BPIFB2: variants seen among roughly 807,000 people sequenced by gnomAD.
BPIFB2 encodes the protein BPI fold-containing family B member 2.
A neutral mutation model predicts 50.1 loss-of-function variants in BPIFB2; 39 were observed. That is an observed-to-expected ratio of 0.78 (90% confidence interval 0.60 to 1.02). The LOEUF is 1.02. Ranked by LOEUF, BPIFB2 falls within the 50% of genes least tolerant of loss-of-function variation. The pLI, the probability that BPIFB2 is intolerant of heterozygous loss-of-function variation, is 0.00. For missense variants in BPIFB2, 574 were observed against 585.8 expected (o/e 0.98, Z 0.21); for synonymous variants, 280 against 256.3 (o/e 1.09, Z -0.88).
At chr20:33,008,429 G>T (rs961500339) in intron 1 of BPIFB2, 112 bp from the exon 2 acceptor site, 2 of 584,212 alleles carry the variant, frequency 3.4e-6, no homozygotes, top group South Asian at 2.2e-5. Context: ...TGGGCCTGGG[G>T]CAGGGCTGGG....
rs1978524025 is a variant in BPIFB2 at position 33,018,632 on chromosome 20, T to C, written c.670-5T>C. The C allele has an allele frequency of 1.2e-6, 2 of 1,607,762 alleles. No homozygotes were observed. Among genetic ancestry groups the C allele is most frequent in the South Asian group, 2.2e-5 (2 of 89,480 alleles). ...TTCTCCCACTTCCCCCTCCCACCCC[T>C]ACAGGCTGTTCTCTTCCTGCTGGGC... On this transcript the variant is annotated splice_region_variant and splice_polypyrimidine_tract_variant and intron_variant, in intron 8 of 15. Coordinates refer to ENST00000170150, the MANE Select transcript of BPIFB2 (RefSeq NM_025227.3).
At position 33,008,578 on chromosome 20, in the gene BPIFB2, G is replaced by T; in HGVS notation, c.4G>T (p.Ala2Ser). 2 of 1,594,170 alleles carry T rather than the reference G, an allele frequency of 1.3e-6. No individual in the cohort carries two copies. The highest frequency in any genetic ancestry group is 2.3e-5 in the South Asian group (2 of 87,624). Residue 2 changes from alanine (A) to serine (S), a missense_variant, in exon 2 of 16, where the codon GCT becomes TCT. By Grantham distance (99) the Ala-to-Ser change is moderately conservative (BLOSUM62 1). Transcript: ENST00000170150. M[A>S]WASRLGLLLA... ...GTGGGCAGCGGCCAGGGCAGCCATG[G>T]CTTGGGCAAGTAGGCTGGGCCTGCT... is the stretch of plus-strand genomic sequence containing the variant.
rs779980144 is a variant in BPIFB2 at position 33,021,791 on chromosome 20, G to A, written c.1327G>A (p.Val443Ile). Residue 443 changes from valine (V) to isoleucine (I), a missense_variant, in exon 15 of 16, where the codon GTC becomes ATC. Physicochemically the swap from Val to Ile is conservative, Grantham distance 29. Coordinates refer to ENST00000170150, the MANE Select transcript of BPIFB2 (RefSeq NM_025227.3). The part of the protein sequence containing the change: ...NLHYVAPEIF[V>I]YEGYVVISSG... ...CCACTATGTCGCCCCTGAGATCTTT[G>A]TCTATGAGGTGAGAGCCTTTGGGTG... 2 of 1,613,750 alleles carry A rather than the reference G, an allele frequency of 1.2e-6. No individual in the cohort carries two copies. The highest frequency in any genetic ancestry group is 1.1e-5 in the South Asian group (1 of 91,058).
intron 2 of BPIFB2, 86 bp from the exon 3 acceptor site, chr20:33,010,938 G>C: frequency 8.6e-7 from 1 of 1,164,944 alleles, no homozygotes; most frequent in South Asian, 1.3e-5. Flanking sequence ...CTCTGCCCAA[G>C]GTGCAGGGTA....
chr20:33,010,394 G>A (rs1990269706), intron 2 of BPIFB2, among the ~76,000 whole-genome samples: 1 of 152,204 alleles, frequency 6.6e-6, no homozygotes, highest in Non-Finnish European at 1.5e-5. Flanking sequence ...AAAATAAATA[G>A]CAATGGTAGA....
chr20:33,021,605 A>G (rs1277571923), intron 14 of BPIFB2, 118 bp from the exon 15 acceptor site: 5 of 1,097,072 alleles, frequency 4.6e-6, no homozygotes, highest in Non-Finnish European at 5.5e-6. Context: ...TAAAAGGGGT[A>G]TAACAATAAT....
intron 15 of BPIFB2, among the ~76,000 whole-genome samples, chr20:33,022,484 G>T (rs1978711750): frequency 6.6e-6 from 1 of 152,204 alleles, no homozygotes; most frequent in Non-Finnish European, 1.5e-5. Context: ...CAGAGGAGCA[G>T]GGCTCTGTGG....
Position 33,018,314 on chromosome 20 carries a change from C to T in BPIFB2, c.633C>T (p.Pro211=). The change falls in exon 8 of 16, where the codon CCC becomes CCT. Residue 211 remains proline (P), a synonymous_variant. Transcript: ENST00000170150. The part of the protein sequence containing the change: ...SQIRYSMVSV[P]TVTSDYISLE... Reference sequence around the variant, plus strand: ...TCCGCTATTCCATGGTCAGTGTGCCCACTGTCACCAGTGACTACATTTCCC... The same window carrying T: ...TCCGCTATTCCATGGTCAGTGTGCCTACTGTCACCAGTGACTACATTTCCC... 6.2e-7 allele frequency: 1 copy of T among 1,614,104 alleles called. No homozygotes were observed. Among genetic ancestry groups the T allele is most frequent in the Non-Finnish European group, 8.5e-7 (1 of 1,179,982 alleles).
chr20:33,018,510 C>T (rs1004130364), intron 8 of BPIFB2, 127 bp from the exon 9 acceptor site: 3 of 1,322,298 alleles, frequency 2.3e-6, no homozygotes, highest in Non-Finnish European at 3.2e-6. Context: ...GTGTGAACTA[C>T]ACATGTGGCA....
Position 33,021,709 on chromosome 20 carries a change from T to A in BPIFB2, c.1259-14T>A. The stretch of plus-strand genomic sequence containing the variant: ...GGCTCCAGGGGACGATCCTTTCTTC[T>A]TTCTCGCCTGCAGCTCTCTTGGCCA... On this transcript the variant is annotated splice_polypyrimidine_tract_variant and intron_variant, in intron 14 of 15. Coordinates refer to ENST00000170150, the MANE Select transcript of BPIFB2 (RefSeq NM_025227.3). The A allele has an allele frequency of 6.2e-7, 1 of 1,613,690 alleles. No homozygotes were observed. The highest frequency in any genetic ancestry group is 8.5e-7 in the Non-Finnish European group (1 of 1,179,542).
Position 33,019,670 on chromosome 20 carries a change from A to G in BPIFB2, c.1000A>G (p.Thr334Ala). 6.2e-7 allele frequency: 1 copy of G among 1,612,032 alleles called. No individual in the cohort carries two copies. Among genetic ancestry groups the G allele is most frequent in the South Asian group, 1.1e-5 (1 of 90,598 alleles). ...PVAMLHTNNA[T>A]LRLQPFVEVL... ...GGCCATGCTCCACACAAACAACGCC[A>G]CCCTGCGGCTGCAGCCCTTCGTGGA... Residue 334 changes from threonine (T) to alanine (A), a missense_variant, in exon 11 of 16, where the codon ACC (threonine) becomes GCC (alanine). Transcript: ENST00000170150.
Position 33,018,641 on chromosome 20 carries a change from T to C in BPIFB2, c.674T>C (p.Val225Ala), listed in dbSNP as rs753512920. 2.5e-5 allele frequency: 40 copies of C among 1,611,322 alleles called. No homozygotes were observed. The highest frequency in any genetic ancestry group is 3.3e-5 in the Non-Finnish European group (39 of 1,178,650). Residue 225 changes from valine to alanine, a missense_variant, in exon 9 of 16, where the codon GTT (valine) becomes GCT (alanine). By Grantham distance (64) the Val-to-Ala change is moderately conservative. Coordinates refer to ENST00000170150, the MANE Select transcript of BPIFB2 (RefSeq NM_025227.3). Reference sequence around the variant, plus strand: ...TTCCCCCTCCCACCCCTACAGGCTGTTCTCTTCCTGCTGGGCAAGCCCATC... The same window carrying C: ...TTCCCCCTCCCACCCCTACAGGCTGCTCTCTTCCTGCTGGGCAAGCCCATC... ...SDYISLEVNAVLFLLGKPIIL... is the reference protein window; with the variant it reads ...SDYISLEVNAALFLLGKPIIL...
At chr20:33,013,017 T>C in intron 4 of BPIFB2, 110 bp downstream of exon 4, 1 of 828,606 alleles carries the variant, frequency 1.2e-6, no homozygotes, top group Non-Finnish European at 2.0e-6. Context: ...CCAGGCCTCT[T>C]GACTCTCTGT....
chr20:33,015,284 C>A (rs780895107), intron 5 of BPIFB2, 152 bp from the exon 6 acceptor site: 1 of 593,946 alleles, frequency 1.7e-6, no homozygotes, highest in Non-Finnish European at 2.9e-6. Flanking sequence ...GTTATGCCAG[C>A]ACTGTGTCTG....
Position 33,012,354 on chromosome 20 carries a change from GA to G in BPIFB2, c.204-446del, listed in dbSNP as rs1315645400. ...CAGTGCAGAAATGACTTTCATTTAG[GA>G]AATAAAATAAATCACAGGTTAGCTG... is the stretch of plus-strand genomic sequence containing the variant. On this transcript the variant is annotated intron_variant, in intron 3 of 15. Transcript: ENST00000170150. 4.6e-5 allele frequency among the ~76,000 whole-genome samples: 7 copies of G among 152,324 alleles called. No individual in the cohort carries two copies. The East Asian group carries it at 1.3e-3, about 29-fold the overall frequency.
intron 1 of BPIFB2, 65 bp from the exon 2 acceptor site, chr20:33,008,476 G>C (rs1990239384): frequency 1.1e-5 from 10 of 907,056 alleles, no homozygotes; most frequent in Admixed American, 2.7e-5. Context: ...AGGCTGGAGT[G>C]GGGTTCGGGT....
chr20:33,008,721 G>C, intron 2 of BPIFB2, 38 bp downstream of exon 2: 2 of 1,501,220 alleles, frequency 1.3e-6, no homozygotes, highest in Non-Finnish European at 1.8e-6. Context: ...CTGTGAGCCT[G>C]TACATGCGTG....
intron 15 of BPIFB2, among the ~76,000 whole-genome samples, chr20:33,022,338 G>T: frequency 6.6e-6 from 1 of 152,228 alleles, no homozygotes; most frequent in East Asian, 1.9e-4. Flanking sequence ...CAAGCCCAAT[G>T]TCTCACGTGC....
In BPIFB2 at chr20:33,020,312, C is replaced by T; in HGVS notation, c.1081-16C>T. Reference sequence around the variant, plus strand: ...TGGCTCTGTGCCCTCTGACCCTGCTCTCCCCATGTGCCCAGGTAGTGAACT... The same window carrying T: ...TGGCTCTGTGCCCTCTGACCCTGCTTTCCCCATGTGCCCAGGTAGTGAACT... On this transcript the variant is annotated splice_polypyrimidine_tract_variant and intron_variant, in intron 11 of 15. Coordinates refer to ENST00000170150, the MANE Select transcript of BPIFB2 (RefSeq NM_025227.3). The T allele has an allele frequency of 6.2e-7, 1 of 1,613,564 alleles. No individual in the cohort carries two copies. The highest frequency in any genetic ancestry group is 8.5e-7 in the Non-Finnish European group (1 of 1,179,524).
Sources: gnomAD v4.1 joint callset for allele counts (sites outside exome capture counted in the v4.1 genomes callset) on GRCh38, gnomAD v4.1.1 for gene constraint, MANE v1.5 for transcripts, NCBI Gene and HGNC (gene_info 2026-07-23, HGNC 2026-07-21) for gene names.